Variants in THSD4 observed in about 807,000 individuals in gnomAD.
THSD4 encodes thrombospondin type-1 domain-containing protein 4.
In THSD4, 69 loss-of-function variants were observed where a neutral mutation model predicts 119.0. The observed-to-expected ratio is 0.58, with a 90% CI of 0.48 to 0.71. The LOEUF (loss-of-function observed/expected upper bound fraction) is 0.71. THSD4 is among the 30% of genes least tolerant of loss of function. The pLI is 0.00. For synonymous variants in THSD4, 524 were observed against 540.4 expected (o/e 0.97, Z 0.42); for missense variants, 1,393 against 1,391.1 (o/e 1.00, Z -0.02).
chr15:71,294,418 C>T (rs576032680), intron 6 of THSD4, among the ~76,000 whole-genome samples: 5 of 152,160 alleles, frequency 3.3e-5, no homozygotes, highest in Non-Finnish European at 7.3e-5. Context: ...TTACCTTCGC[C>T]CTCTGCCATG....
At chr15:71,647,621 C>G (rs145591823) in intron 7 of THSD4, among the ~76,000 whole-genome samples, 1 of 152,266 alleles carries the variant, frequency 6.6e-6, no homozygotes, top group East Asian at 1.9e-4. Flanking sequence ...GCCCAAGGAA[C>G]CTGATGTTTT....
At chr15:71,173,555 C>CAT (rs2043405115) in intron 3 of THSD4, among the ~76,000 whole-genome samples, 2 of 99,998 alleles carry the variant, frequency 2.0e-5, no homozygotes, top group African/African-American at 6.1e-5. Context: ...AATAGACCTA[C>CAT]ACACACACAC....
chr15:71,385,513 AAG>A (rs1291962762), intron 6 of THSD4, among the ~76,000 whole-genome samples: 1 of 152,204 alleles, frequency 6.6e-6, no homozygotes, highest in Non-Finnish European at 1.5e-5. Context: ...TGGACACAAA[AAG>A]GGAAGGATTG....
intron 8 of THSD4, among the ~76,000 whole-genome samples, chr15:71,671,393 CAGAT>C (rs2051525019): frequency 6.6e-6 from 1 of 152,116 alleles, no homozygotes; most frequent in Non-Finnish European, 1.5e-5. Context: ...AGCCCTTTGT[CAGAT>C]GGATAGATTG....
intron 7 of THSD4, among the ~76,000 whole-genome samples, chr15:71,443,876 A>C (rs2047144584): frequency 6.6e-6 from 1 of 152,250 alleles, no homozygotes; most frequent in African/African-American, 2.4e-5. Context: ...CTTCTGTTTT[A>C]TGTTATCTCA....
chr15:71,473,056 C>CTTTTT (rs35085059), intron 7 of THSD4, among the ~76,000 whole-genome samples: 1 of 129,312 alleles, frequency 7.7e-6, no homozygotes, highest in East Asian at 2.2e-4. Context: ...CTGTATTTGG[C>CTTTTT]TTTTTTTTTT....
chr15:71,669,461 A>C (rs1342372692), intron 8 of THSD4, among the ~76,000 whole-genome samples: 1 of 152,120 alleles, frequency 6.6e-6, no homozygotes, highest in East Asian at 1.9e-4. Flanking sequence ...CATGTGCAGA[A>C]AGTGCAGGTT....
At chr15:71,405,171 G>A (rs964484452) in intron 6 of THSD4, among the ~76,000 whole-genome samples, 1 of 152,218 alleles carries the variant, frequency 6.6e-6, no homozygotes, top group Non-Finnish European at 1.5e-5. Flanking sequence ...TTACAGGCGT[G>A]AGCCACCATG....
chr15:71,594,188 C>T (rs2049863322), intron 7 of THSD4, among the ~76,000 whole-genome samples: 2 of 151,714 alleles, frequency 1.3e-5, no homozygotes, highest in Non-Finnish European at 2.9e-5. Flanking sequence ...TCACTCCAGT[C>T]TGTTCCCAAG....
At chr15:71,439,939 A>C (rs1015285424) in intron 7 of THSD4, among the ~76,000 whole-genome samples, 2 of 152,170 alleles carry the variant, frequency 1.3e-5, no homozygotes, top group Admixed American at 6.6e-5. Flanking sequence ...GGGTGCAGCA[A>C]ACCACCATGG....
intron 7 of THSD4, among the ~76,000 whole-genome samples, chr15:71,530,156 A>ATT (rs1567022929): frequency 6.6e-6 from 1 of 151,834 alleles, no homozygotes; most frequent in East Asian, 1.9e-4. Flanking sequence ...CCCTGTTAGA[A>ATT]ATTATTATTG....
chr15:71,621,704 C>T (rs1003620660), intron 7 of THSD4, among the ~76,000 whole-genome samples: 2 of 152,094 alleles, frequency 1.3e-5, no homozygotes, highest in African/African-American at 2.4e-5. Context: ...TGGCTGAAAA[C>T]GCCTTTTAGA....
intron 14 of THSD4, among the ~76,000 whole-genome samples, chr15:71,749,734 T>TTTATTTATTTATTTA (rs1301943468): frequency 6.0e-5 from 9 of 150,440 alleles, no homozygotes; most frequent in African/African-American, 7.3e-5. Flanking sequence ...TATTTATTTA[T>TTTATTTATTTATTTA]TTTGAGACCG....
At chr15:71,243,305 T>C (rs1053629367) in intron 5 of THSD4, among the ~76,000 whole-genome samples, 9 of 152,306 alleles carry the variant, frequency 5.9e-5, no homozygotes, top group African/African-American at 2.2e-4. Context: ...TAGTAACTTA[T>C]ACATTGCTTC....
chr15:71,650,486 A>C (rs2051061847), intron 7 of THSD4, among the ~76,000 whole-genome samples: 1 of 152,134 alleles, frequency 6.6e-6, no homozygotes, highest in African/African-American at 2.4e-5. Flanking sequence ...GGGCCAGAGA[A>C]AATAAACTAA....
At chr15:71,736,686 T>TTCTC (rs1017366020) in intron 10 of THSD4, among the ~76,000 whole-genome samples, 1 of 151,934 alleles carries the variant, frequency 6.6e-6, no homozygotes. Context: ...CTCTCTCTCT[T>TTCTC]TCTCTCTCTC....
chr15:71,641,597 G>A (rs575138891), intron 7 of THSD4, among the ~76,000 whole-genome samples: 1 of 152,122 alleles, frequency 6.6e-6, no homozygotes, highest in Non-Finnish European at 1.5e-5. Flanking sequence ...TCCTGGAGGG[G>A]TGTGATTCCA....
intron 3 of THSD4, among the ~76,000 whole-genome samples, chr15:71,193,716 CT>C (rs60833902): frequency 0.87 from 132,496 of 151,768 alleles, 58,702 homozygotes; most frequent in East Asian, 0.98. Context: ...TTTTTCTTTT[CT>C]TTTTTTTTGA....
intron 7 of THSD4, among the ~76,000 whole-genome samples, chr15:71,634,005 G>A (rs2050687800): frequency 6.6e-6 from 1 of 152,104 alleles, no homozygotes. Flanking sequence ...TGGCCAACAT[G>A]GTGAAACCCC....
Sources: allele counts gnomAD v4.1 joint callset (sites outside exome capture counted in the v4.1 genomes callset), GRCh38; gene constraint gnomAD v4.1.1; transcripts MANE v1.5; gene names NCBI Gene and HGNC (gene_info 2026-07-23, HGNC 2026-07-21).